Variants in STYXL2 observed in about 807,000 individuals in gnomAD.
STYXL2 encodes the protein serine/threonine/tyrosine interacting like 2.
Under a neutral mutation model 52.4 loss-of-function variants are expected in STYXL2, and 44 were observed. The ratio of observed to expected loss-of-function variants is 0.84; its 90% CI spans 0.66 to 1.08. The LOEUF (loss-of-function observed/expected upper bound fraction) is 1.08. Among genes scored for constraint, STYXL2 ranks in the 50% least tolerant of loss-of-function variants. The pLI, the probability that STYXL2 is intolerant of heterozygous loss-of-function variation, is 0.00. For synonymous variants in STYXL2, 604 were observed against 586.9 expected, an observed-to-expected ratio of 1.03 and a Z score of -0.42; for missense variants, 1,604 against 1,471.7, an observed-to-expected ratio of 1.09 and a Z score of -1.47.
At chr1:167,123,660 G>A (rs1383021832) in intron 5 of STYXL2, among the ~76,000 whole-genome samples, 1 of 152,198 alleles carries the variant, frequency 6.6e-6, no homozygotes, top group African/African-American at 2.4e-5. Context: ...ATCTCACTCT[G>A]TTGCCCAGGT....
rs1183619332 is a variant in STYXL2, at chr1:167,113,860, T to C, written c.205+56T>C. 31 of 1,364,840 alleles carry C rather than the reference T, an allele frequency of 2.3e-5. No homozygotes were observed. The East Asian group carries it at 6.6e-4, about 29-fold the overall frequency. The allele number at this position is 1,364,840 out of a possible 1,614,324, so 84.5% of individuals were successfully genotyped here. A position where few individuals can be genotyped will look rare whatever the true frequency, so the allele number is the denominator to read the frequency against. On this transcript the variant is annotated intron_variant, in intron 3 of 5. Transcript: ENST00000361200. ...AGTCCAGTGGTCATCTGGAGACCCTTAGAGGGGGGCCATTGGAAGACGTCA... is the reference window on the plus strand; with the variant it reads ...AGTCCAGTGGTCATCTGGAGACCCTCAGAGGGGGGCCATTGGAAGACGTCA...
At chr1:167,104,815 T>C (rs1346039985) in intron 2 of STYXL2, among the ~76,000 whole-genome samples, 2 of 152,198 alleles carry the variant, frequency 1.3e-5, no homozygotes, top group Non-Finnish European at 2.9e-5. Flanking sequence ...CTCCTGGGCC[T>C]CTACCTCCAT....
intron 5 of STYXL2, among the ~76,000 whole-genome samples, chr1:167,122,882 G>A (rs1667887979): frequency 6.6e-6 from 1 of 152,300 alleles, no homozygotes; most frequent in Admixed American, 6.5e-5. Context: ...GGCCAGGCCA[G>A]TCTCAAACTC....
At chr1:167,111,757 G>C (rs1225675893) in intron 2 of STYXL2, among the ~76,000 whole-genome samples, 1 of 151,822 alleles carries the variant, frequency 6.6e-6, no homozygotes, top group African/African-American at 2.4e-5. Context: ...AAGGATGGGA[G>C]GGGGTGAGGG....
At chr1:167,116,466 A>G (rs868281697) in intron 3 of STYXL2, among the ~76,000 whole-genome samples, 28 of 152,268 alleles carry the variant, frequency 1.8e-4, no homozygotes, top group African/African-American at 6.5e-4. Context: ...AAGACAATAC[A>G]AGAAATAAAT....
At chr1:167,110,412 A>G (rs1667593800) in intron 2 of STYXL2, among the ~76,000 whole-genome samples, 1 of 152,248 alleles carries the variant, frequency 6.6e-6, no homozygotes, top group Non-Finnish European at 1.5e-5. Flanking sequence ...CAGAAGATCA[A>G]TTATTAAGCA....
chr1:167,125,530 G>A (rs970855386), intron 5 of STYXL2, among the ~76,000 whole-genome samples: 1 of 152,116 alleles, frequency 6.6e-6, no homozygotes, highest in Admixed American at 6.5e-5. Flanking sequence ...CTGTTGCTCG[G>A]TTTGTGAGGA....
chr1:167,095,365 G>T (rs1667262873), intron 2 of STYXL2, among the ~76,000 whole-genome samples: 1 of 151,522 alleles, frequency 6.6e-6, no homozygotes, highest in African/African-American at 2.4e-5. Flanking sequence ...TAAGAAAAGG[G>T]ATGAGGAGAG....
intron 2 of STYXL2, among the ~76,000 whole-genome samples, chr1:167,106,826 A>T (rs977745269): frequency 1.3e-5 from 2 of 152,210 alleles, no homozygotes. Flanking sequence ...AGTCACTGAT[A>T]TTTATAGGTT....
Position 167,126,383 on chromosome 1 carries a change from G to A in STYXL2, c.1252G>A (p.Glu418Lys), listed in dbSNP as rs1043488724. 1.3e-6 allele frequency: 2 copies of A among 1,552,608 alleles called. No individual in the cohort carries two copies. Among genetic ancestry groups the A allele is most frequent in the East Asian group, 4.8e-5 (2 of 41,418 alleles). Residue 418 changes from glutamate to lysine, a missense_variant, in exon 6 of 6, where the codon GAG becomes AAG. Coordinates refer to ENST00000361200, the MANE Select transcript of STYXL2 (RefSeq NM_001080426.3). Reference sequence around the variant, plus strand: ...GAGGTGGGGAAGGGAGGAGGAGAAGGAGGAGGAGAGCGACGCTGGCTCCTC... The same window carrying A: ...GAGGTGGGGAAGGGAGGAGGAGAAGAAGGAGGAGAGCGACGCTGGCTCCTC... ...YRRWGREEEK[E>K]EESDAGSSVG...
At chr1:167,099,567 C>G (rs1667359879) in intron 2 of STYXL2, among the ~76,000 whole-genome samples, 1 of 152,150 alleles carries the variant, frequency 6.6e-6, no homozygotes, top group African/African-American at 2.4e-5. Flanking sequence ...AAATTAAAAT[C>G]ACAATTCAAT....
chr1:167,122,151 T>C (rs1667870236), intron 5 of STYXL2, among the ~76,000 whole-genome samples: 1 of 152,028 alleles, frequency 6.6e-6, no homozygotes, highest in Non-Finnish European at 1.5e-5. Flanking sequence ...GTGCACGGTG[T>C]AATAATCAAG....
At chr1:167,103,129 T>C (rs572141172) in intron 2 of STYXL2, among the ~76,000 whole-genome samples, 9 of 152,090 alleles carry the variant, frequency 5.9e-5, no homozygotes, top group Non-Finnish European at 1.3e-4. Context: ...TCTCTGCCAC[T>C]CCTTCAAAAG....
In STYXL2 at chr1:167,113,820, G is replaced by A. The variant is rs16858470; in HGVS notation, c.205+16G>A. The A allele has an allele frequency of 6.2e-5, 99 of 1,605,772 alleles. No individual in the cohort carries two copies. The African/African-American group carries it at 1.1e-3, about 18-fold the overall frequency. ...ATCAATGAAGGTAATGCAATCAAAA[G>A]CTGGGTGGAAGCAAAGTCCAGTGGT... On this transcript the variant is annotated intron_variant, in intron 3 of 5. Coordinates refer to ENST00000361200, the MANE Select transcript of STYXL2 (RefSeq NM_001080426.3).
Position 167,126,653 on chromosome 1 carries a change from A to C in STYXL2, c.1522A>C (p.Ser508Arg). ...CAAGAGAGAGGAGGCGGCAGACAGGAGCTCAGAAGCAGGGAGCAGGGTGCG... is the reference window on the plus strand; with the variant it reads ...CAAGAGAGAGGAGGCGGCAGACAGGCGCTCAGAAGCAGGGAGCAGGGTGCG... Reference protein sequence around the residue: ...KSKREEAADRSSEAGSRVRED... With the variant: ...KSKREEAADRRSEAGSRVRED... Residue 508 changes from serine to arginine, a missense_variant, in exon 6 of 6, where the codon AGC becomes CGC. Coordinates refer to ENST00000361200, the MANE Select transcript of STYXL2 (RefSeq NM_001080426.3). 1 of 1,614,096 alleles carries C rather than the reference A, an allele frequency of 6.2e-7. No homozygotes were observed. The highest frequency in any genetic ancestry group is 8.5e-7 in the Non-Finnish European group (1 of 1,180,016).
chr1:167,095,017 G>T, intron 2 of STYXL2, 58 bp downstream of exon 2: 1 of 1,368,786 alleles, frequency 7.3e-7, no homozygotes, highest in Non-Finnish European at 1.0e-6. Flanking sequence ...CTGGGGACAG[G>T]TTGGGCCATT....
chr1:167,124,749 C>T (rs1017369841), intron 5 of STYXL2, among the ~76,000 whole-genome samples: 5 of 152,160 alleles, frequency 3.3e-5, no homozygotes, highest in African/African-American at 4.8e-5. Context: ...TTTTAAAAAA[C>T]GTTTTACAGG....
chr1:167,101,704 G>A (rs1292110610), intron 2 of STYXL2, among the ~76,000 whole-genome samples: 4 of 151,640 alleles, frequency 2.6e-5, no homozygotes. Context: ...CTTAGGCTGA[G>A]GCAAAAGAAT....
At chr1:167,098,336 C>A (rs980925434) in intron 2 of STYXL2, among the ~76,000 whole-genome samples, 1 of 151,878 alleles carries the variant, frequency 6.6e-6, no homozygotes, top group South Asian at 2.1e-4. Flanking sequence ...ATTAGCCAGG[C>A]AAGGTTTCAC....
Sources: allele counts gnomAD v4.1 joint callset (sites outside exome capture counted in the v4.1 genomes callset), GRCh38; gene constraint gnomAD v4.1.1; transcripts MANE v1.5; gene names NCBI Gene and HGNC (gene_info 2026-07-23, HGNC 2026-07-21).